TMEM63B: variants seen among roughly 807,000 people sequenced by gnomAD.
The protein encoded by TMEM63B is transmembrane protein 63B.
A neutral mutation model predicts 102.6 loss-of-function variants in TMEM63B; 23 were observed. That is an observed-to-expected ratio of 0.22 (90% CI 0.16 to 0.32). The LOEUF is 0.32. TMEM63B is among the 10% of genes least tolerant of loss of function. The pLI is 1.00. For synonymous variants in TMEM63B, 444 were observed against 437.0 expected, an observed-to-expected ratio of 1.02 and a Z score of -0.20; for missense variants, 628 against 1,095.9, an observed-to-expected ratio of 0.57 and a Z score of 6.03.
In TMEM63B at chr6:44,148,432, C is replaced by T. The variant is rs1291040266; in HGVS notation, c.1121+47C>T. The T allele has an allele frequency of 2.5e-6, 4 of 1,613,660 alleles. No homozygotes were observed. The highest frequency in any genetic ancestry group is 2.5e-6 in the Non-Finnish European group (3 of 1,179,656). On this transcript the variant is annotated intron_variant, in intron 13 of 23. Coordinates refer to ENST00000323267, the MANE Select transcript of TMEM63B (RefSeq NM_018426.3). The surrounding 1 kb of genome is among the most constrained non-coding windows in gnomAD (Gnocchi z 5.1). ...CGGCCCTGAGCAGCCCTCCAGGGCT[C>T]CCTGACCCCTGTGCTCATGGCCTTC...
chr6:44,143,270 A>G (rs1764669995), intron 10 of TMEM63B, among the ~76,000 whole-genome samples: 1 of 152,266 alleles, frequency 6.6e-6, no homozygotes, highest in Non-Finnish European at 1.5e-5. Context: ...ACAACCTTCT[A>G]TGTGCCAGGC....
Position 44,148,312 on chromosome 6 carries a change from GAGA to G in TMEM63B, c.1051_1053del (p.Lys351del). 1.2e-6 allele frequency: 2 copies of G among 1,614,256 alleles called. No individual in the cohort carries two copies. The highest frequency in any genetic ancestry group is 1.7e-6 in the Non-Finnish European group (2 of 1,180,044). On this transcript the variant is annotated inframe_deletion, in exon 13 of 24. Coordinates refer to ENST00000323267, the MANE Select transcript of TMEM63B (RefSeq NM_018426.3). This position sits in a 1 kb window ranked among gnomAD's most constrained non-coding sequence, Gnocchi z 5.1. The stretch of plus-strand genomic sequence containing the variant: ...GAAGCTGAAGGAAGACTACAAGCGG[GAGA>G]AGGAGAAGGTGAATGAGAAGCCTCT...
At chr6:44,132,369 C>G (rs1353545351) in intron 1 of TMEM63B, 21 of 979,218 alleles carry the variant, frequency 2.1e-5, no homozygotes, top group Middle Eastern at 1.0e-3. Context: ...CCAAAATGCT[C>G]TACCTTTCTT....
At chr6:44,133,807 C>T (rs4714751) in intron 1 of TMEM63B, among the ~76,000 whole-genome samples, 90,282 of 152,210 alleles carry the variant, frequency 0.59, 28,114 homozygotes, top group East Asian at 0.82. Flanking sequence ...CCCAGCCTTC[C>T]CTGCTTCAGA....
chr6:44,144,018 G>A (rs370334075), intron 10 of TMEM63B, among the ~76,000 whole-genome samples: 1 of 152,164 alleles, frequency 6.6e-6, no homozygotes, highest in African/African-American at 2.4e-5. Flanking sequence ...GTGTTTCAGG[G>A]GTTGGTCTAT....
At chr6:44,139,645 G>A (rs1763818482) in intron 7 of TMEM63B, 36 bp downstream of exon 7, 3 of 1,614,168 alleles carry the variant, frequency 1.9e-6, no homozygotes, top group South Asian at 1.1e-5. Context: ...GTGGAGAGAG[G>A]ATGGGGCTGG....
chr6:44,139,697 C>T lies in TMEM63B; in HGVS notation c.551-11C>T. 6.2e-7 allele frequency: 1 copy of T among 1,614,150 alleles called. No homozygotes were observed. Among genetic ancestry groups the T allele is most frequent in the South Asian group, 1.1e-5 (1 of 91,082 alleles). ...CCCCACCATCATCCTCTCCCTCTTC[C>T]CACCCCACAGAGAACAATGCCTACA... On this transcript the variant is annotated splice_polypyrimidine_tract_variant and intron_variant, in intron 7 of 23. Transcript: ENST00000323267.
At position 44,155,446 on chromosome 6, in the gene TMEM63B, G is replaced by C. The variant is rs1225149368; in HGVS notation, c.*563G>C. 5.3e-5 allele frequency: 7 copies of C among 133,150 alleles called. No individual in the cohort carries two copies. In the East Asian group the frequency reaches 1.6e-3, roughly 30 times the overall value. The allele number at this position is 133,150 out of a possible 1,614,324, so 8.2% of individuals were successfully genotyped here. A position where few individuals can be genotyped will look rare whatever the true frequency, so the allele number is the denominator to read the frequency against. On this transcript the variant is annotated 3_prime_UTR_variant, in exon 24 of 24. Coordinates refer to ENST00000323267, the MANE Select transcript of TMEM63B (RefSeq NM_018426.3). ...GGCTGACACTGGAAAATGGGTTTTT[G>C]CACTGTTTTTTTTTTGGTTTTTTTG...
intron 1 of TMEM63B, 168 bp from the exon 2 acceptor site, chr6:44,134,393 C>G: frequency 4.6e-6 from 3 of 647,996 alleles, no homozygotes; most frequent in Non-Finnish European, 7.7e-6. Context: ...AAGGTAAATC[C>G]ATGTGACTCA....
Position 44,150,766 on chromosome 6 carries a change from G to A in TMEM63B, c.1673+137G>A, listed in dbSNP as rs1582821838. On this transcript the variant is annotated intron_variant, in intron 18 of 23. Transcript: ENST00000323267. This position sits in a 1 kb window ranked among gnomAD's most constrained non-coding sequence, Gnocchi z 4.7. Reference sequence around the variant, plus strand: ...GGCAGAAGAGAGAGGATCTGGCGGGGTTACCCCAAAGGCACCCACAAGGTG... The same window carrying A: ...GGCAGAAGAGAGAGGATCTGGCGGGATTACCCCAAAGGCACCCACAAGGTG... The A allele has an allele frequency of 5.3e-6, 5 of 949,686 alleles. No homozygotes were observed. Among genetic ancestry groups the A allele is most frequent in the Non-Finnish European group, 6.5e-6 (4 of 617,706 alleles). 58.8% of individuals were successfully genotyped at this position (949,686 alleles called of 1,614,324 possible). A position where few individuals can be genotyped will look rare whatever the true frequency, so the allele number is the denominator to read the frequency against.
rs561672681 is a variant in TMEM63B, at chr6:44,152,032, G to A, written c.1836+24G>A. Reference sequence around the variant, plus strand: ...GGGTACGGCCGCCTGGGGCAGCAGCGGCCCGCACAGCGCCCCCTGGTGGCC... The same window carrying A: ...GGGTACGGCCGCCTGGGGCAGCAGCAGCCCGCACAGCGCCCCCTGGTGGCC... On this transcript the variant is annotated intron_variant, in intron 19 of 23. Coordinates refer to ENST00000323267, the MANE Select transcript of TMEM63B (RefSeq NM_018426.3). This position sits in a 1 kb window ranked among gnomAD's most constrained non-coding sequence, Gnocchi z 6.4. 9 of 1,574,756 alleles carry A rather than the reference G, an allele frequency of 5.7e-6. No homozygotes were observed. The highest frequency in any genetic ancestry group is 2.3e-5 in the East Asian group (1 of 42,952).
At chr6:44,135,276 C>T (rs775965988) in intron 3 of TMEM63B, 52 bp from the exon 4 acceptor site, 22 of 1,593,252 alleles carry the variant, frequency 1.4e-5, no homozygotes, top group Non-Finnish European at 1.9e-5. Flanking sequence ...CCTCACCTGT[C>T]CCCAGGGACT....
At chr6:44,131,140 G>C (rs1200343959) in intron 1 of TMEM63B, among the ~76,000 whole-genome samples, 1 of 150,322 alleles carries the variant, frequency 6.7e-6, no homozygotes. Context: ...GGCTGGTCTC[G>C]AACTCCTGAC....
At position 44,150,216 on chromosome 6, in the gene TMEM63B, C is replaced by T. The variant is rs756554352; in HGVS notation, c.1521-8C>T. On this transcript the variant is annotated splice_polypyrimidine_tract_variant and splice_region_variant and intron_variant, in intron 16 of 23. Coordinates refer to ENST00000323267, the MANE Select transcript of TMEM63B (RefSeq NM_018426.3). This position sits in a 1 kb window ranked among gnomAD's most constrained non-coding sequence, Gnocchi z 4.7. ...GACCTGTACCGTTCCCTGCTCCCCT[C>T]CCTCCAGCTCTGGGGAGAACAGGAC... 1 of 1,613,058 alleles carries T rather than the reference C, an allele frequency of 6.2e-7. No homozygotes were observed. Among genetic ancestry groups the T allele is most frequent in the Non-Finnish European group, 8.5e-7 (1 of 1,179,442 alleles).
Position 44,150,198 on chromosome 6 carries a change from A to G in TMEM63B, c.1521-26A>G, listed in dbSNP as rs752199113. The G allele has an allele frequency of 9.3e-6, 15 of 1,605,350 alleles. No homozygotes were observed. Among genetic ancestry groups the G allele is most frequent in the Admixed American group, 1.7e-5 (1 of 59,980 alleles). On this transcript the variant is annotated intron_variant, in intron 16 of 23. Coordinates refer to ENST00000323267, the MANE Select transcript of TMEM63B (RefSeq NM_018426.3). This position sits in a 1 kb window ranked among gnomAD's most constrained non-coding sequence, Gnocchi z 4.7. ...TGGGGCCTGGGCTCACTTGACCTGT[A>G]CCGTTCCCTGCTCCCCTCCCTCCAG... is the stretch of plus-strand genomic sequence containing the variant.
At chr6:44,153,590 T>C in intron 20 of TMEM63B, 86 bp from the exon 21 acceptor site, 2 of 1,504,026 alleles carry the variant, frequency 1.3e-6, no homozygotes, top group Non-Finnish European at 1.8e-6. Context: ...CCTTCAGCAC[T>C]CTCAGGACCA....
Position 44,135,309 on chromosome 6 carries a change from G to A in TMEM63B, c.240-19G>A, listed in dbSNP as rs754363165. 6.2e-7 allele frequency: 1 copy of A among 1,611,346 alleles called. No homozygotes were observed. The highest frequency in any genetic ancestry group is 1.3e-5 in the African/African-American group (1 of 74,882). ...ACTCTCCCCCGCCCCTGCTAACCCT[G>A]TCTGTTCTCTGTCCCCAGGCTTCGG... is the stretch of plus-strand genomic sequence containing the variant. On this transcript the variant is annotated intron_variant, in intron 3 of 23. Coordinates refer to ENST00000323267, the MANE Select transcript of TMEM63B (RefSeq NM_018426.3).
At position 44,152,023 on chromosome 6, in the gene TMEM63B, G is replaced by A. The variant is rs757617222; in HGVS notation, c.1836+15G>A. The A allele has an allele frequency of 1.9e-6, 3 of 1,586,786 alleles. No individual in the cohort carries two copies. Among genetic ancestry groups the A allele is most frequent in the African/African-American group, 1.4e-5 (1 of 73,842 alleles). ...ACGTGAAGCGGGTACGGCCGCCTGG[G>A]GCAGCAGCGGCCCGCACAGCGCCCC... On this transcript the variant is annotated intron_variant, in intron 19 of 23. Transcript: ENST00000323267. The surrounding 1 kb of genome is among the most constrained non-coding windows in gnomAD (Gnocchi z 6.4).
At position 44,152,598 on chromosome 6, in the gene TMEM63B, G is replaced by T; in HGVS notation, c.1842G>T (p.Gln614His). The change falls in exon 20 of 24, where the codon CAG (glutamine) becomes CAT (histidine). Residue 614 changes from glutamine (Q) to histidine (H), a missense_variant. Around this residue, in one of 6 missense-constraint regions of TMEM63B, gnomAD observed 90 missense variants for 136.7 expected, o/e 0.66. Coordinates refer to ENST00000323267, the MANE Select transcript of TMEM63B (RefSeq NM_018426.3). This position sits in a 1 kb window ranked among gnomAD's most constrained non-coding sequence, Gnocchi z 6.4. ...AAERRNVKRH[Q>H]AYEFQFGAAY... ...CCTGCCCGTCTCCCCCCCAGCATCA[G>T]GCCTACGAGTTCCAGTTTGGCGCAG... The T allele has an allele frequency of 6.2e-7, 1 of 1,607,970 alleles. No individual in the cohort carries two copies.
Sources: allele counts gnomAD v4.1 joint callset (sites outside exome capture counted in the v4.1 genomes callset), GRCh38; gene constraint gnomAD v4.1.1; regional missense constraint gnomAD v4.1.1; non-coding constraint Gnocchi (gnomAD v3.1); transcripts MANE v1.5; gene names NCBI Gene and HGNC (gene_info 2026-07-23, HGNC 2026-07-21).